The following ASTN2 variants were observed in gnomAD, a reference collection of about 807,000 sequenced individuals.
The protein encoded by ASTN2 is astrotactin 2.
A neutral mutation model predicts 139.8 loss-of-function variants in ASTN2; 54 were observed. The observed-to-expected ratio is 0.39, with a 90% CI of 0.31 to 0.48. The LOEUF (loss-of-function observed/expected upper bound fraction) is 0.48. Among genes scored for constraint, ASTN2 ranks in the 20% least tolerant of loss-of-function variants. The pLI, the probability that ASTN2 is intolerant of heterozygous loss-of-function variation, is 0.95. For synonymous variants in ASTN2, 756 were observed against 719.5 expected (o/e 1.05, Z -0.81); for missense variants, 1,565 against 1,725.1 (o/e 0.91, Z 1.64).
intron 1 of ASTN2, among the ~76,000 whole-genome samples, chr9:117,377,792 C>A (rs1166252005): frequency 6.6e-6 from 1 of 151,956 alleles, no homozygotes; most frequent in Non-Finnish European, 1.5e-5. Flanking sequence ...TCCAAATATT[C>A]TAATGTTGAA....
chr9:117,292,915 C>T (rs1052525060), intron 1 of ASTN2, among the ~76,000 whole-genome samples: 9 of 152,082 alleles, frequency 5.9e-5, no homozygotes, highest in African/African-American at 2.2e-4. Flanking sequence ...ATCATCAATG[C>T]CCAATAGACT....
At chr9:117,031,942 G>A (rs145717453) in intron 6 of ASTN2, among the ~76,000 whole-genome samples, 3 of 152,256 alleles carry the variant, frequency 2.0e-5, no homozygotes, top group Admixed American at 6.5e-5. Context: ...ACATGTATGC[G>A]ATGTTTTGAT....
intron 17 of ASTN2, among the ~76,000 whole-genome samples, chr9:116,648,507 T>G (rs7467020): frequency 1.3e-5 from 2 of 152,110 alleles, no homozygotes; most frequent in Non-Finnish European, 2.9e-5. Context: ...ATTCTCACAG[T>G]CTATCCTGAC....
chr9:117,378,158 G>T (rs911656989), intron 1 of ASTN2, among the ~76,000 whole-genome samples: 5 of 152,256 alleles, frequency 3.3e-5, no homozygotes, highest in South Asian at 2.1e-4. Context: ...ACAACAAAAG[G>T]CTTGGCAGGT....
chr9:116,657,043 C>T (rs1012007843), intron 16 of ASTN2, among the ~76,000 whole-genome samples: 2 of 152,168 alleles, frequency 1.3e-5, no homozygotes, highest in African/African-American at 4.8e-5. Flanking sequence ...AATGGCCTCC[C>T]AGGAATTACT....
chr9:116,632,181 A>AGAGG (rs1484709264), intron 17 of ASTN2, among the ~76,000 whole-genome samples: 2 of 25,260 alleles, frequency 7.9e-5, no homozygotes, highest in African/African-American at 2.0e-4. Context: ...AGAGAGAGAG[A>AGAGG]GAGGGAGAGA....
At chr9:116,971,177 C>G (rs1476214966) in intron 10 of ASTN2, among the ~76,000 whole-genome samples, 3 of 152,122 alleles carry the variant, frequency 2.0e-5, no homozygotes, top group African/African-American at 4.8e-5. Context: ...TGCAATTCAG[C>G]TAGAGATTTG....
At chr9:116,585,516 A>G (rs1425974884) in intron 19 of ASTN2, 1 of 152,176 alleles carries the variant, frequency 6.6e-6, no homozygotes, top group Non-Finnish European at 1.5e-5. Flanking sequence ...ATAAAACCAT[A>G]CACCCAAGCC....
chr9:116,850,518 A>G (rs1022888192), intron 11 of ASTN2, among the ~76,000 whole-genome samples: 1 of 152,156 alleles, frequency 6.6e-6, no homozygotes, highest in African/African-American at 2.4e-5. Flanking sequence ...ACCAATTCCT[A>G]TCTGAGTGAC....
At chr9:116,865,793 T>C (rs545142521) in intron 10 of ASTN2, among the ~76,000 whole-genome samples, 6 of 152,324 alleles carry the variant, frequency 3.9e-5, no homozygotes, top group African/African-American at 1.4e-4. Context: ...AATCATGCTC[T>C]TCCTTCTGCC....
chr9:117,345,356 G>A (rs1328809000), intron 1 of ASTN2, among the ~76,000 whole-genome samples: 1 of 152,178 alleles, frequency 6.6e-6, no homozygotes, highest in Non-Finnish European at 1.5e-5. Flanking sequence ...AGGAGCATCA[G>A]ATGTAAACAA....
At chr9:116,782,589 C>T (rs1316374332) in intron 13 of ASTN2, among the ~76,000 whole-genome samples, 7 of 152,152 alleles carry the variant, frequency 4.6e-5, no homozygotes, top group South Asian at 2.1e-4. Flanking sequence ...CACTTAGGGA[C>T]GTACTGAATG....
At chr9:117,201,825 G>T (rs910990556) in intron 3 of ASTN2, among the ~76,000 whole-genome samples, 2 of 152,010 alleles carry the variant, frequency 1.3e-5, no homozygotes, top group African/African-American at 2.4e-5. Flanking sequence ...GCTGATTTGG[G>T]GTACAGAATT....
intron 3 of ASTN2, among the ~76,000 whole-genome samples, chr9:117,207,815 G>A (rs975788269): frequency 1.3e-5 from 2 of 152,160 alleles, no homozygotes; most frequent in East Asian, 1.9e-4. Context: ...AGCCCAGTGA[G>A]CCCAATCCTG....
chr9:117,283,149 A>G lies in ASTN2; in HGVS notation c.630+8177T>C, dbSNP rs554953919. ...CCGGTATGTGGAAGTCTAAGCTTGAAACCAGGCCTCCTGAAGCCAAATTCC... is the reference window on the plus strand; with the variant it reads ...CCGGTATGTGGAAGTCTAAGCTTGAGACCAGGCCTCCTGAAGCCAAATTCC... On this transcript the variant is annotated intron_variant, in intron 2 of 22. Transcript: ENST00000313400. Among the ~76,000 whole-genome samples, 137 of 152,298 alleles carry G rather than the reference A, an allele frequency of 9.0e-4. 1 individual carries two copies. Among genetic ancestry groups the G allele is most frequent in the African/African-American group, 3.2e-3 (134 of 41,570 alleles).
chr9:116,874,172 C>A (rs1314319439), intron 10 of ASTN2, among the ~76,000 whole-genome samples: 1 of 152,134 alleles, frequency 6.6e-6, no homozygotes, highest in Non-Finnish European at 1.5e-5. Context: ...TAGTGTCCTG[C>A]CTTTCTCTTT....
At chr9:117,040,723 T>C (rs1838539482) in intron 5 of ASTN2, among the ~76,000 whole-genome samples, 1 of 152,162 alleles carries the variant, frequency 6.6e-6, no homozygotes, top group Admixed American at 6.5e-5. Context: ...CCTCCCAAAG[T>C]GCTGGGATTA....
At chr9:117,272,195 A>T (rs1189550002) in intron 2 of ASTN2, among the ~76,000 whole-genome samples, 1 of 152,132 alleles carries the variant, frequency 6.6e-6, no homozygotes, top group African/African-American at 2.4e-5. Context: ...CAGGCTAAAC[A>T]CCATGTGGAA....
intron 3 of ASTN2, among the ~76,000 whole-genome samples, chr9:117,158,716 A>G (rs544027351): frequency 6.9e-4 from 105 of 152,162 alleles, no homozygotes; most frequent in African/African-American, 2.5e-3. Context: ...AACACTGGTG[A>G]AATGTGCAGG....
Sources: allele counts gnomAD v4.1 joint callset (sites outside exome capture counted in the v4.1 genomes callset), GRCh38; gene constraint gnomAD v4.1.1; transcripts MANE v1.5; gene names NCBI Gene and HGNC (gene_info 2026-07-23, HGNC 2026-07-21).